PARD3: variants seen among roughly 807,000 people sequenced by gnomAD.
PARD3 encodes the protein par-3 family cell polarity regulator.
Under a neutral mutation model 155.4 loss-of-function variants are expected in PARD3, and 75 were observed. The ratio of observed to expected loss-of-function variants is 0.48; its 90% CI spans 0.40 to 0.58. The LOEUF is 0.58. Ranked by LOEUF, PARD3 falls within the 20% of genes least tolerant of loss-of-function variation. PARD3 has a pLI of 0.00. For synonymous variants in PARD3, 576 were observed against 610.5 expected (o/e 0.94, Z 0.83); for missense variants, 1,642 against 1,721.7 (o/e 0.95, Z 0.82).
intron 1 of PARD3, among the ~76,000 whole-genome samples, chr10:34,781,583 G>A (rs1300070417): frequency 1.3e-5 from 2 of 152,220 alleles, no homozygotes; most frequent in South Asian, 2.1e-4. Context: ...AGCTGGATCT[G>A]ATTCTCTAAA....
At chr10:34,728,094 G>T (rs767784270) in intron 1 of PARD3, among the ~76,000 whole-genome samples, 4 of 152,104 alleles carry the variant, frequency 2.6e-5, no homozygotes, top group Admixed American at 6.5e-5. Context: ...GCATTTCGAG[G>T]CTTCACAGTA....
At chr10:34,635,606 T>C (rs1336161878) in intron 2 of PARD3, among the ~76,000 whole-genome samples, 1 of 152,198 alleles carries the variant, frequency 6.6e-6, no homozygotes, top group Admixed American at 6.5e-5. Flanking sequence ...CAACCAAGTC[T>C]GCTAAATGGT....
At chr10:34,784,037 G>GT (rs1788068502) in intron 1 of PARD3, among the ~76,000 whole-genome samples, 1 of 152,006 alleles carries the variant, frequency 6.6e-6, no homozygotes, top group Non-Finnish European at 1.5e-5. Context: ...AAGAGACCAT[G>GT]TCTCTACAAA....
intron 12 of PARD3, among the ~76,000 whole-genome samples, 154 bp from the exon 13 acceptor site, chr10:34,360,413 C>T (rs929626882): frequency 7.9e-5 from 12 of 152,190 alleles, no homozygotes; most frequent in African/African-American, 2.9e-4. Flanking sequence ...ACTACATCTG[C>T]ACCCACTCCA....
At chr10:34,399,630 T>C (rs1309538782) in intron 6 of PARD3, among the ~76,000 whole-genome samples, 2 of 152,120 alleles carry the variant, frequency 1.3e-5, no homozygotes, top group African/African-American at 4.8e-5. Context: ...ACCTGAACAC[T>C]AGTCTGATGG....
chr10:34,502,718 T>C (rs1164307035), intron 3 of PARD3, among the ~76,000 whole-genome samples: 1 of 152,050 alleles, frequency 6.6e-6, no homozygotes, highest in African/African-American at 2.4e-5. Context: ...AGAGAGAGGA[T>C]TACTTGAGTA....
In PARD3 at chr10:34,138,567, T is replaced by C. The variant is rs185554922; in HGVS notation, c.3420-6984A>G. Among the ~76,000 whole-genome samples, 617 of 152,300 alleles carry C rather than the reference T, an allele frequency of 4.1e-3. 3 individuals are homozygous for C. Among genetic ancestry groups the C allele is most frequent in the African/African-American group, 0.014 (588 of 41,570 alleles). On this transcript the variant is annotated intron_variant, in intron 22 of 24. Coordinates refer to ENST00000374788, the MANE Select transcript of PARD3 (RefSeq NM_001184785.2). ...CTCTTTCTGGCAGAGATTGATGACCTGCTGGGATCTGGGTCAAACACACAA... is the reference window on the plus strand; with the variant it reads ...CTCTTTCTGGCAGAGATTGATGACCCGCTGGGATCTGGGTCAAACACACAA...
rs145856721 is a variant in PARD3, at chr10:34,566,141, A to G, written c.223-48982T>C. On this transcript the variant is annotated intron_variant, in intron 2 of 24. Transcript: ENST00000374788. Reference sequence around the variant, plus strand: ...TCCGGCCCTGTTACCACCACAACCAACAAATGACATTTTCTATTTTGCAAG... The same window carrying G: ...TCCGGCCCTGTTACCACCACAACCAGCAAATGACATTTTCTATTTTGCAAG... Among the ~76,000 whole-genome samples the G allele has an allele frequency of 3.4e-3, 513 of 152,308 alleles. 3 individuals carry two copies. Among genetic ancestry groups the G allele is most frequent in the African/African-American group, 0.012 (488 of 41,574 alleles).
At chr10:34,379,961 G>C (rs1589371724) in intron 9 of PARD3, among the ~76,000 whole-genome samples, 1 of 152,004 alleles carries the variant, frequency 6.6e-6, no homozygotes. Context: ...GTTGATTCCA[G>C]TTTTTGAAGA....
intron 2 of PARD3, among the ~76,000 whole-genome samples, chr10:34,574,674 T>C (rs942051294): frequency 9.8e-5 from 15 of 152,298 alleles, no homozygotes; most frequent in African/African-American, 3.6e-4. Flanking sequence ...TATTAAAGTA[T>C]GACTCAAGTA....
intron 2 of PARD3, among the ~76,000 whole-genome samples, chr10:34,626,295 C>T (rs2091978229): frequency 6.6e-6 from 1 of 152,202 alleles, no homozygotes; most frequent in Admixed American, 6.5e-5. Flanking sequence ...GGAAGGTACA[C>T]TAGCAGCCCT....
chr10:34,606,207 TGTG>T (rs1770125983), intron 2 of PARD3, among the ~76,000 whole-genome samples: 1 of 117,604 alleles, frequency 8.5e-6, no homozygotes, highest in Non-Finnish European at 1.7e-5. Flanking sequence ...TGTGTGTGTG[TGTG>T]TAGTTCTGTC....
chr10:34,772,039 T>A, intron 1 of PARD3, among the ~76,000 whole-genome samples: 1 of 152,156 alleles, frequency 6.6e-6, no homozygotes. Flanking sequence ...TACATTCATC[T>A]CGCCCAACAA....
intron 2 of PARD3, among the ~76,000 whole-genome samples, chr10:34,620,181 T>C (rs1182336603): frequency 6.6e-6 from 1 of 152,224 alleles, no homozygotes; most frequent in Non-Finnish European, 1.5e-5. Context: ...TTATTCTGTG[T>C]TCTTGCTCCC....
intron 2 of PARD3, among the ~76,000 whole-genome samples, chr10:34,692,672 T>G (rs1309233608): frequency 2.0e-5 from 3 of 152,120 alleles, no homozygotes; most frequent in Admixed American, 6.5e-5. Context: ...GTCAGGAGTT[T>G]GAGACCAGTC....
chr10:34,448,798 T>A (rs34337481), intron 5 of PARD3, among the ~76,000 whole-genome samples: 2 of 151,692 alleles, frequency 1.3e-5, no homozygotes, highest in African/African-American at 4.8e-5. Flanking sequence ...GAGCAAGACC[T>A]TATCTCAAAA....
chr10:34,230,610 TG>T (rs1396879614), intron 22 of PARD3, among the ~76,000 whole-genome samples: 1 of 152,160 alleles, frequency 6.6e-6, no homozygotes, highest in East Asian at 1.9e-4. Flanking sequence ...TGTCATATTT[TG>T]GCCTTTTCCT....
intron 7 of PARD3, among the ~76,000 whole-genome samples, chr10:34,398,914 C>T (rs901610680): frequency 1.1e-4 from 16 of 152,060 alleles, no homozygotes; most frequent in Admixed American, 9.2e-4. Context: ...AAGAACTAAA[C>T]ACAAATTTAA....
chr10:34,417,267 G>A (rs1230563919), intron 5 of PARD3, among the ~76,000 whole-genome samples: 1 of 152,152 alleles, frequency 6.6e-6, no homozygotes, highest in African/African-American at 2.4e-5. Context: ...TTTTGTCTGT[G>A]CAGCGGGAAG....
Sources: allele counts gnomAD v4.1 joint callset (sites outside exome capture counted in the v4.1 genomes callset), GRCh38; gene constraint gnomAD v4.1.1; transcripts MANE v1.5; gene names NCBI Gene and HGNC (gene_info 2026-07-23, HGNC 2026-07-21).